UBAP1: variants seen among roughly 807,000 people sequenced by gnomAD.
The protein encoded by UBAP1 is ubiquitin-associated protein 1.
Under a neutral mutation model 39.0 loss-of-function variants are expected in UBAP1, and 5 were observed. That is an observed-to-expected ratio of 0.13 (90% CI 0.07 to 0.27). UBAP1 has a LOEUF of 0.27. UBAP1 is among the 10% of genes least tolerant of loss of function. UBAP1 has a pLI of 1.00. For synonymous variants in UBAP1, 211 were observed against 225.1 expected, an observed-to-expected ratio of 0.94 and a Z score of 0.56; for missense variants, 490 against 608.1, an observed-to-expected ratio of 0.81 and a Z score of 2.04.
chr9:34,215,323 C>CATAT lies in UBAP1; in HGVS notation c.-7-5572_-7-5569dup, dbSNP rs150254096. The stretch of plus-strand genomic sequence containing the variant: ...TGTATATAAGTATGTATATATGTGT[C>CATAT]ATATATATATATATATGATGGAATA... On this transcript the variant is annotated intron_variant, in intron 1 of 6. Transcript: ENST00000297661. Among the ~76,000 whole-genome samples the CATAT allele has an allele frequency of 4.7e-5, 7 of 148,068 alleles. No individual in the cohort carries two copies. In the South Asian group the frequency reaches 8.5e-4, roughly 18 times the overall value.
chr9:34,250,626 G>A (rs745495889), intron 5 of UBAP1, 32 bp from the exon 6 acceptor site: 5 of 1,566,760 alleles, frequency 3.2e-6, no homozygotes, highest in East Asian at 2.3e-5. Context: ...AAGAGCAGCA[G>A]TAGGTGCTAA....
chr9:34,237,100 C>T (rs1029070842), intron 3 of UBAP1, among the ~76,000 whole-genome samples: 1 of 152,176 alleles, frequency 6.6e-6, no homozygotes, highest in Non-Finnish European at 1.5e-5. Context: ...TCTCAGTCCT[C>T]CCATCTTTAA....
chr9:34,181,131 T>G lies in UBAP1; in HGVS notation c.-8+1891T>G, dbSNP rs532815477. Among the ~76,000 whole-genome samples the G allele has an allele frequency of 2.0e-3, 284 of 139,744 alleles. 2 individuals are homozygous for G. The highest frequency in any genetic ancestry group is 6.9e-3 in the African/African-American group (266 of 38,566). The allele number at this position is 139,744 out of a possible 152,430, so 91.7% of individuals were successfully genotyped here. The stretch of plus-strand genomic sequence containing the variant: ...GGCCTGTTTTCTTTTTTTTTTTTTT[T>G]TTGAGACAGAGTTTCGCTCTGTGCC... On this transcript the variant is annotated intron_variant, in intron 1 of 6. Coordinates refer to ENST00000297661, the MANE Select transcript of UBAP1 (RefSeq NM_016525.5).
rs540077855 is a variant in UBAP1 at position 34,193,714 on chromosome 9, G to A, written c.-8+14474G>A. On this transcript the variant is annotated intron_variant, in intron 1 of 6. Coordinates refer to ENST00000297661, the MANE Select transcript of UBAP1 (RefSeq NM_016525.5). Reference sequence around the variant, plus strand: ...ATAGATGAAGGGATGCATAGAGCAAGGTATGGGGGAAGAGGTGTGGAGCTT... The same window carrying A: ...ATAGATGAAGGGATGCATAGAGCAAAGTATGGGGGAAGAGGTGTGGAGCTT... 1.1e-4 allele frequency among the ~76,000 whole-genome samples: 17 copies of A among 152,326 alleles called. No homozygotes were observed. The South Asian group carries it at 3.5e-3, about 32-fold the overall frequency.
chr9:34,227,902 G>C (rs1833187037), intron 2 of UBAP1, among the ~76,000 whole-genome samples: 1 of 152,200 alleles, frequency 6.6e-6, no homozygotes, highest in Admixed American at 6.5e-5. Context: ...TGAGGTGGGA[G>C]GATTGCTTGA....
chr9:34,199,445 A>T (rs1434188179), intron 1 of UBAP1, among the ~76,000 whole-genome samples: 1 of 152,134 alleles, frequency 6.6e-6, no homozygotes, highest in Non-Finnish European at 1.5e-5. Context: ...TTTACAGAAC[A>T]TTTGTAGAGA....
chr9:34,236,423 A>G (rs1020113231), intron 3 of UBAP1, among the ~76,000 whole-genome samples: 1 of 152,124 alleles, frequency 6.6e-6, no homozygotes, highest in Admixed American at 6.6e-5. Context: ...TTTAGAGCGT[A>G]TCCTTGTCAT....
chr9:34,231,819 A>AT (rs1390625845), intron 2 of UBAP1, among the ~76,000 whole-genome samples: 1 of 149,236 alleles, frequency 6.7e-6, no homozygotes, highest in African/African-American at 2.5e-5. Context: ...CATTTTTTGT[A>AT]TTTTTAGTAG....
intron 1 of UBAP1, among the ~76,000 whole-genome samples, chr9:34,218,436 T>G (rs1832470517): frequency 6.6e-6 from 1 of 152,112 alleles, no homozygotes; most frequent in Non-Finnish European, 1.5e-5. Context: ...AACAGTTGCT[T>G]CTTCAAACAG....
chr9:34,224,552 T>C, intron 2 of UBAP1: 1 of 441,330 alleles, frequency 2.3e-6, no homozygotes, highest in Non-Finnish European at 3.9e-6. Flanking sequence ...CTGCTCATAC[T>C]TCCGCTTCTT....
intron 1 of UBAP1, among the ~76,000 whole-genome samples, chr9:34,179,549 C>G (rs1486933660): frequency 6.6e-6 from 1 of 151,830 alleles, no homozygotes; most frequent in Non-Finnish European, 1.5e-5. Context: ...GGACTGAGAA[C>G]TCGGTGGGAA....
At chr9:34,240,070 T>G (rs1189440228) in intron 3 of UBAP1, among the ~76,000 whole-genome samples, 7 of 152,202 alleles carry the variant, frequency 4.6e-5, no homozygotes, top group East Asian at 3.8e-4. Context: ...AGTTATAGCC[T>G]CCATTTTTAT....
At chr9:34,208,913 C>T (rs1419522781) in intron 1 of UBAP1, among the ~76,000 whole-genome samples, 1 of 151,538 alleles carries the variant, frequency 6.6e-6, no homozygotes, top group East Asian at 1.9e-4. Flanking sequence ...CGAGATCAAG[C>T]TGGTTATTAA....
chr9:34,206,398 T>C (rs531980719), intron 1 of UBAP1, among the ~76,000 whole-genome samples: 9 of 152,252 alleles, frequency 5.9e-5, no homozygotes, highest in Admixed American at 3.3e-4. Flanking sequence ...TGGTCCCAGC[T>C]ACTCAGGAGG....
intron 1 of UBAP1, among the ~76,000 whole-genome samples, chr9:34,189,205 T>A (rs939958983): frequency 1.3e-5 from 2 of 150,456 alleles, no homozygotes; most frequent in African/African-American, 2.5e-5. Context: ...TTTTTTTTTT[T>A]AAAGACAGAG....
intron 2 of UBAP1, among the ~76,000 whole-genome samples, chr9:34,232,951 C>T (rs1469891924): frequency 9.2e-5 from 14 of 152,176 alleles, no homozygotes; most frequent in Non-Finnish European, 1.0e-4. Context: ...ATATAGCTAT[C>T]GAGAGTCTCA....
chr9:34,205,471 T>C (rs1431720628), intron 1 of UBAP1, among the ~76,000 whole-genome samples: 1 of 152,202 alleles, frequency 6.6e-6, no homozygotes, highest in Non-Finnish European at 1.5e-5. Flanking sequence ...AAAGATATTG[T>C]TTTGTCTAGT....
At chr9:34,236,963 C>G (rs991505378) in intron 3 of UBAP1, among the ~76,000 whole-genome samples, 12 of 152,052 alleles carry the variant, frequency 7.9e-5, no homozygotes, top group African/African-American at 2.9e-4. Flanking sequence ...TACGTTATCT[C>G]TCTATATGTT....
intron 1 of UBAP1, among the ~76,000 whole-genome samples, chr9:34,208,651 G>A (rs10971996): frequency 0.35 from 53,026 of 151,350 alleles, 9,969 homozygotes; most frequent in East Asian, 0.73. Context: ...GGTGGCGGGC[G>A]CCTGTAGTCC....
Sources: allele counts gnomAD v4.1 joint callset (sites outside exome capture counted in the v4.1 genomes callset), GRCh38; gene constraint gnomAD v4.1.1; transcripts MANE v1.5; gene names NCBI Gene and HGNC (gene_info 2026-07-23, HGNC 2026-07-21).